Variants in ABCG5 observed in about 807,000 individuals in gnomAD.
The protein encoded by ABCG5 is ATP binding cassette subfamily G member 5.
In ABCG5, 64 loss-of-function variants were observed where a neutral mutation model predicts 64.5. The observed-to-expected ratio is 0.99, with a 90% CI of 0.81 to 1.22. The LOEUF (loss-of-function observed/expected upper bound fraction) is 1.22. Ranked by LOEUF, ABCG5 falls within the 50% of genes most tolerant of loss-of-function variation. ABCG5 has a pLI of 0.00. For missense variants in ABCG5, 908 were observed against 829.5 expected, an observed-to-expected ratio of 1.09 and a Z score of -1.16; for synonymous variants, 385 against 326.3, an observed-to-expected ratio of 1.18 and a Z score of -1.94.
Position 43,822,477 on chromosome 2 carries a change from GGC to G in ABCG5, c.1463+318_1463+319del, listed in dbSNP as rs1491373738. 344 of 349,874 alleles carry G rather than the reference GGC, an allele frequency of 9.8e-4. 23 individuals are homozygous for G. The highest frequency in any genetic ancestry group is 1.8e-3 in the South Asian group (14 of 7,568). 21.7% of individuals were successfully genotyped at this position (349,874 alleles called of 1,614,324 possible). On this transcript the variant is annotated intron_variant, in intron 10 of 12. Transcript: ENST00000405322. ...TCAGGCTGCTTTCTCCCCTCCCCCA[GGC>G]CCCCCCCCATGCACCTGGGTCCTAG...
intron 10 of ABCG5, among the ~76,000 whole-genome samples, chr2:43,822,039 T>C (rs1667242328): frequency 6.6e-6 from 1 of 152,186 alleles, no homozygotes; most frequent in Non-Finnish European, 1.5e-5. Context: ...CTCAATCTGA[T>C]GTTTTTTGAT....
chr2:43,832,525 C>T, intron 2 of ABCG5: 1 of 225,710 alleles, frequency 4.4e-6, no homozygotes, highest in Non-Finnish European at 8.9e-6. Flanking sequence ...ATGTAGGTGA[C>T]ATTGTCTAGA....
In ABCG5 at chr2:43,831,787, G is replaced by A; in HGVS notation, c.483C>T (p.Pro161=). ...TALLAIRRGN[P]GSFQKKVEAV... ...CACCCACCTTCTTCTGGAAGGAGCCGGGATTGCCGCGGCGGATGGCCAGCA... is the reference window on the plus strand; with the variant it reads ...CACCCACCTTCTTCTGGAAGGAGCCAGGATTGCCGCGGCGGATGGCCAGCA... Residue 161 remains proline (P), a synonymous_variant, in exon 4 of 13, where the codon CCC becomes CCT. Transcript: ENST00000405322. The A allele has an allele frequency of 3.8e-6, 6 of 1,585,854 alleles. No individual in the cohort carries two copies. The highest frequency in any genetic ancestry group is 5.1e-6 in the Non-Finnish European group (6 of 1,168,118).
downstream of ABCG5, chr2:43,810,098 C>A: frequency 1.9e-6 from 1 of 522,882 alleles, no homozygotes; most frequent in Non-Finnish European, 2.5e-6. Flanking sequence ...TATTTGGTTA[C>A]AGTTTTAAAT....
chr2:43,817,336 T>G (rs1225811025), intron 11 of ABCG5, among the ~76,000 whole-genome samples: 1 of 151,678 alleles, frequency 6.6e-6, no homozygotes, highest in Non-Finnish European at 1.5e-5. Flanking sequence ...AATACAAAAA[T>G]TAGCTGGGCG....
rs753728180 is a variant in ABCG5 at position 43,814,474 on chromosome 2, T to C, written c.1762+3A>G. The C allele has an allele frequency of 6.3e-7, 1 of 1,577,466 alleles. No individual in the cohort carries two copies. The highest frequency in any genetic ancestry group is 2.2e-5 in the East Asian group (1 of 44,508). On this transcript the variant is annotated splice_donor_region_variant and intron_variant, in intron 12 of 12. Coordinates refer to ENST00000405322, the MANE Select transcript of ABCG5 (RefSeq NM_022436.3). Reference sequence around the variant, plus strand: ...AAATAATATCCCCAAATAGAATACTTACCACAAGTGAAATTCAGTCCGTAG... The same window carrying C: ...AAATAATATCCCCAAATAGAATACTCACCACAAGTGAAATTCAGTCCGTAG...
downstream of ABCG5, among the ~76,000 whole-genome samples, chr2:43,812,159 T>C (rs548628147): frequency 2.4e-4 from 37 of 152,230 alleles, no homozygotes; most frequent in Non-Finnish European, 4.7e-4. Flanking sequence ...TAAGCGATCC[T>C]TCCACATCAG....
intron 5 of ABCG5, among the ~76,000 whole-genome samples, chr2:43,827,100 A>C (rs1297562075): frequency 6.6e-6 from 1 of 152,170 alleles, no homozygotes; most frequent in Non-Finnish European, 1.5e-5. Context: ...CAAGGCAGGC[A>C]GATCACCTGA....
Position 43,813,137 on chromosome 2 carries a change from C to T in ABCG5, c.1935G>A (p.Arg645=). 7.5e-7 allele frequency: 1 copy of T among 1,333,948 alleles called. No individual in the cohort carries two copies. Among genetic ancestry groups the T allele is most frequent in the South Asian group, 1.2e-5 (1 of 85,330 alleles). 82.6% of individuals were successfully genotyped at this position (1,333,948 alleles called of 1,614,324 possible). A position where few individuals can be genotyped will look rare whatever the true frequency, so the allele number is the denominator to read the frequency against. Residue 645 remains arginine (R), a synonymous_variant, in exon 13 of 13, where the codon AGG becomes AGA. Coordinates refer to ENST00000405322, the MANE Select transcript of ABCG5 (RefSeq NM_022436.3). The part of the protein sequence containing the change: ...VILGIVVFKI[R]DHLISR ...TTCACTACCTGCTAATGAGATGATCCCTTATTTTGAAAACAACTATTCCTA... is the reference window on the plus strand; with the variant it reads ...TTCACTACCTGCTAATGAGATGATCTCTTATTTTGAAAACAACTATTCCTA...
At chr2:43,821,881 T>A (rs1272023589) in intron 10 of ABCG5, among the ~76,000 whole-genome samples, 5 of 151,918 alleles carry the variant, frequency 3.3e-5, no homozygotes, top group Non-Finnish European at 7.4e-5. Context: ...TCTCTCCCCC[T>A]CTCTTCCCGC....
chr2:43,823,598 G>A (rs746130454), intron 9 of ABCG5, among the ~76,000 whole-genome samples: 5 of 152,134 alleles, frequency 3.3e-5, no homozygotes, highest in Admixed American at 6.5e-5. Flanking sequence ...AGCACCCCAT[G>A]GGCTGTGCAT....
At chr2:43,809,680 A>G (rs765386214), downstream of ABCG5, 1 of 1,569,598 alleles carries the variant, frequency 6.4e-7, no homozygotes, top group Admixed American at 1.8e-5. Flanking sequence ...GATTTTTCTT[A>G]AAGTGATACA....
At chr2:43,832,277 C>G (rs563106417) in intron 2 of ABCG5, 194 bp from the exon 3 acceptor site, 6 of 696,634 alleles carry the variant, frequency 8.6e-6, no homozygotes, top group Non-Finnish European at 1.2e-5. Flanking sequence ...AGCAGTCTCA[C>G]GCGCAAGTGA....
downstream of ABCG5, among the ~76,000 whole-genome samples, chr2:43,811,966 A>T (rs1478603230): frequency 6.6e-6 from 1 of 152,194 alleles, no homozygotes; most frequent in Non-Finnish European, 1.5e-5. Flanking sequence ...CTGTATTTAT[A>T]CATATCAGCA....
intron 2 of ABCG5, among the ~76,000 whole-genome samples, chr2:43,836,862 T>A (rs1221050178): frequency 6.6e-6 from 1 of 151,980 alleles, no homozygotes; most frequent in Non-Finnish European, 1.5e-5. Context: ...GAACGCTGTC[T>A]CTACAAAAAA....
At chr2:43,828,250 G>A (rs1667742485) in intron 4 of ABCG5, 135 bp from the exon 5 acceptor site, 2 of 1,155,464 alleles carry the variant, frequency 1.7e-6, no homozygotes, top group Admixed American at 1.9e-5. Context: ...ACCACACCCT[G>A]GGGAAAGCAT....
Position 43,831,878 on chromosome 2 carries a change from C to G in ABCG5, c.403-11G>C. On this transcript the variant is annotated splice_polypyrimidine_tract_variant and intron_variant, in intron 3 of 12. Coordinates refer to ENST00000405322, the MANE Select transcript of ABCG5 (RefSeq NM_022436.3). The stretch of plus-strand genomic sequence containing the variant: ...CAGCAGGGTGTCGCTCTGCAGGAGA[C>G]TCGGGCGTCAGTGTAGCCTAAGCCC... 6.4e-7 allele frequency: 1 copy of G among 1,561,972 alleles called. No homozygotes were observed. The highest frequency in any genetic ancestry group is 2.3e-5 in the East Asian group (1 of 42,914).
At chr2:43,824,868 G>C (rs201754827) in intron 7 of ABCG5, 21 bp downstream of exon 7, 1 of 1,613,112 alleles carries the variant, frequency 6.2e-7, no homozygotes, top group Non-Finnish European at 8.5e-7. Context: ...TCATGATGGG[G>C]AATGTGAAAG....
rs1285979913 is a variant in ABCG5 at position 43,827,199 on chromosome 2, C to A, written c.635-678G>T. On this transcript the variant is annotated intron_variant, in intron 5 of 12. Coordinates refer to ENST00000405322, the MANE Select transcript of ABCG5 (RefSeq NM_022436.3). Reference sequence around the variant, plus strand: ...AATTAGCCGGGTGTGGTGGCAGGCGCCTGTAATCCCAGCTACTCAGGAGGC... The same window carrying A: ...AATTAGCCGGGTGTGGTGGCAGGCGACTGTAATCCCAGCTACTCAGGAGGC... Among the ~76,000 whole-genome samples, 4 of 152,032 alleles carry A rather than the reference C, an allele frequency of 2.6e-5. No individual in the cohort carries two copies. The East Asian group carries it at 7.7e-4, about 29-fold the overall frequency.
Sources: gnomAD v4.1 joint callset for allele counts (sites outside exome capture counted in the v4.1 genomes callset) on GRCh38, gnomAD v4.1.1 for gene constraint, MANE v1.5 for transcripts, NCBI Gene and HGNC (gene_info 2026-07-23, HGNC 2026-07-21) for gene names.